The following ROBO1 variants were observed in gnomAD, a reference collection of about 807,000 sequenced individuals.
The protein encoded by ROBO1 is roundabout guidance receptor 1, also known as roundabout homolog 1.
A neutral mutation model predicts 195.9 loss-of-function variants in ROBO1; 149 were observed. The observed-to-expected ratio is 0.76, with a 90% CI of 0.67 to 0.87. The LOEUF is 0.87. ROBO1 is among the 40% of genes least tolerant of loss of function. The pLI is 0.00. For synonymous variants in ROBO1, 816 were observed against 733.2 expected (o/e 1.11, Z -1.82); for missense variants, 1,933 against 2,068.3 (o/e 0.93, Z 1.27).
At chr3:79,709,536 G>A (rs560410327) in intron 1 of ROBO1, among the ~76,000 whole-genome samples, 1 of 152,094 alleles carries the variant, frequency 6.6e-6, no homozygotes, top group South Asian at 2.1e-4. Flanking sequence ...TTTTCAATAT[G>A]TACTGATATC....
intron 2 of ROBO1, among the ~76,000 whole-genome samples, chr3:79,369,955 G>T (rs2036129040): frequency 6.6e-6 from 1 of 152,142 alleles, no homozygotes; most frequent in South Asian, 2.1e-4. Context: ...AGAAGTGAGA[G>T]ATAACCCTGC....
intron 4 of ROBO1, among the ~76,000 whole-genome samples, chr3:78,764,219 C>T (rs781073762): frequency 6.6e-6 from 1 of 152,080 alleles, no homozygotes; most frequent in South Asian, 2.1e-4. Flanking sequence ...TATTTTGAAT[C>T]ATAGCATGTT....
intron 15 of ROBO1, among the ~76,000 whole-genome samples, chr3:78,661,468 A>C (rs1707399205): frequency 6.6e-6 from 1 of 152,204 alleles, no homozygotes; most frequent in African/African-American, 2.4e-5. Flanking sequence ...AATCCAAAAG[A>C]ATCTTCAGCT....
At chr3:79,454,066 T>C (rs566710477) in intron 2 of ROBO1, among the ~76,000 whole-genome samples, 2 of 152,088 alleles carry the variant, frequency 1.3e-5, no homozygotes, top group South Asian at 4.1e-4. Context: ...TTATCTATAG[T>C]CTAATTGGCT....
At chr3:79,739,762 T>C (rs1040725006) in intron 1 of ROBO1, among the ~76,000 whole-genome samples, 3 of 152,162 alleles carry the variant, frequency 2.0e-5, no homozygotes, top group Non-Finnish European at 2.9e-5. Context: ...GGAGATACCT[T>C]GTGGTCCAGT....
At chr3:79,211,927 A>G (rs1301667382) in intron 2 of ROBO1, among the ~76,000 whole-genome samples, 1 of 152,204 alleles carries the variant, frequency 6.6e-6, no homozygotes, top group East Asian at 1.9e-4. Flanking sequence ...ATTTACCCAC[A>G]TATTTATTGA....
Position 78,983,771 on chromosome 3 carries a change from G to C in ROBO1, c.173-44844C>G, listed in dbSNP as rs191071671. Among the ~76,000 whole-genome samples, 5 of 152,312 alleles carry C rather than the reference G, an allele frequency of 3.3e-5. No homozygotes were observed. The East Asian group carries it at 9.6e-4, about 29-fold the overall frequency. Reference sequence around the variant, plus strand: ...GTCACCTATAAATACAAATATTTGAGTACTTAAGTACTTGAGAAACTAGCG... The same window carrying C: ...GTCACCTATAAATACAAATATTTGACTACTTAAGTACTTGAGAAACTAGCG... On this transcript the variant is annotated intron_variant, in intron 3 of 30. Coordinates refer to ENST00000464233, the MANE Select transcript of ROBO1 (RefSeq NM_002941.4).
rs117286340 is a variant in ROBO1, at chr3:79,106,780, T to C, written c.172+18676A>G. Among the ~76,000 whole-genome samples, 175 of 151,712 alleles carry C rather than the reference T, an allele frequency of 1.2e-3. 4 individuals are homozygous for C. The East Asian group carries it at 0.033, about 29-fold the overall frequency. ...CACAATAATGATAAATGGCAAGTAA[T>C]TATTGTCCTCATATTCATTATCTGA... On this transcript the variant is annotated intron_variant, in intron 3 of 30. Transcript: ENST00000464233.
intron 1 of ROBO1, among the ~76,000 whole-genome samples, chr3:79,592,929 ATC>A (rs1487645377): frequency 6.6e-6 from 1 of 152,008 alleles, no homozygotes; most frequent in East Asian, 1.9e-4. Context: ...GAAACTGCTG[ATC>A]TGTTTGTTAT....
intron 4 of ROBO1, among the ~76,000 whole-genome samples, chr3:78,835,279 A>T (rs910230213): frequency 1.3e-5 from 2 of 152,170 alleles, no homozygotes; most frequent in African/African-American, 4.8e-5. Context: ...TTCTAGATGG[A>T]ACAAAGGGCA....
chr3:79,487,788 A>G (rs1424881998), intron 2 of ROBO1, among the ~76,000 whole-genome samples: 1 of 152,184 alleles, frequency 6.6e-6, no homozygotes, highest in Admixed American at 6.5e-5. Context: ...GAGGTCAAAA[A>G]TTATTTTAAC....
chr3:79,088,098 T>C (rs961876619), intron 3 of ROBO1, among the ~76,000 whole-genome samples: 3 of 152,114 alleles, frequency 2.0e-5, no homozygotes, highest in Non-Finnish European at 2.9e-5. Flanking sequence ...TTGTGTTCAA[T>C]TTCACAGTAA....
intron 3 of ROBO1, among the ~76,000 whole-genome samples, chr3:79,106,290 A>G (rs1322769986): frequency 6.6e-6 from 1 of 151,686 alleles, no homozygotes; most frequent in Non-Finnish European, 1.5e-5. Flanking sequence ...GCAAAAAGCT[A>G]CATGTTTTAT....
intron 3 of ROBO1, among the ~76,000 whole-genome samples, chr3:79,078,629 C>A (rs186674206): frequency 6.6e-6 from 1 of 151,616 alleles, no homozygotes; most frequent in South Asian, 2.1e-4. Flanking sequence ...ATGGATCACT[C>A]GAAAAGTAGG....
At chr3:79,100,181 G>A (rs975610500) in intron 3 of ROBO1, among the ~76,000 whole-genome samples, 1 of 151,704 alleles carries the variant, frequency 6.6e-6, no homozygotes, top group African/African-American at 2.4e-5. Context: ...ACACATCTGG[G>A]CACCATCATT....
chr3:79,127,626 A>G (rs1369126989), intron 2 of ROBO1, among the ~76,000 whole-genome samples: 1 of 152,230 alleles, frequency 6.6e-6, no homozygotes, highest in Non-Finnish European at 1.5e-5. Context: ...ACACAATATT[A>G]CAAGACTTTT....
At chr3:79,685,898 G>C (rs953524818) in intron 1 of ROBO1, among the ~76,000 whole-genome samples, 1 of 152,196 alleles carries the variant, frequency 6.6e-6, no homozygotes, top group South Asian at 2.1e-4. Flanking sequence ...TGATACCAAA[G>C]CCTGGCAGAG....
chr3:78,600,421 G>A (rs1156615622), intron 29 of ROBO1, 112 bp from the exon 30 acceptor site: 3 of 715,876 alleles, frequency 4.2e-6, no homozygotes, highest in Non-Finnish European at 7.1e-6. Flanking sequence ...AGTGATTTAA[G>A]GTATAAATGA....
intron 28 of ROBO1, among the ~76,000 whole-genome samples, chr3:78,611,027 C>T (rs1703776498): frequency 6.6e-6 from 1 of 152,122 alleles, no homozygotes; most frequent in Non-Finnish European, 1.5e-5. Flanking sequence ...GGATTGTGGA[C>T]TTGTTTTGTA....
Sources: allele counts gnomAD v4.1 joint callset (sites outside exome capture counted in the v4.1 genomes callset), GRCh38; gene constraint gnomAD v4.1.1; transcripts MANE v1.5; gene names NCBI Gene and HGNC (gene_info 2026-07-23, HGNC 2026-07-21).